COL15A1: variants seen among roughly 807,000 people sequenced by gnomAD.
COL15A1 encodes collagen type XV alpha 1 chain, also known as collagen alpha-1(XV) chain.
Under a neutral mutation model 165.9 loss-of-function variants are expected in COL15A1, and 111 were observed. The ratio of observed to expected loss-of-function variants is 0.67; its 90% CI spans 0.57 to 0.78. The LOEUF (loss-of-function observed/expected upper bound fraction) is 0.78. Among genes scored for constraint, COL15A1 ranks in the 30% least tolerant of loss-of-function variants. COL15A1 has a pLI of 0.00. For synonymous variants in COL15A1, 659 were observed against 674.8 expected (o/e 0.98, Z 0.36); for missense variants, 1,745 against 1,789.7 (o/e 0.98, Z 0.45).
At chr9:99,016,246 T>G in intron 11 of COL15A1, 127 bp downstream of exon 11, 8 of 1,232,658 alleles carry the variant, frequency 6.5e-6, no homozygotes, top group Non-Finnish European at 8.7e-6. Context: ...GGTTTGCAAA[T>G]TTGGGCATTT....
At chr9:99,019,905 AT>A (rs1264814995) in intron 11 of COL15A1, among the ~76,000 whole-genome samples, 1 of 151,998 alleles carries the variant, frequency 6.6e-6, no homozygotes, top group Non-Finnish European at 1.5e-5. Flanking sequence ...TTGTCTCTGG[AT>A]TTTTTAGTGC....
intron 2 of COL15A1, among the ~76,000 whole-genome samples, chr9:98,980,358 G>A (rs1838216349): frequency 6.6e-6 from 1 of 152,256 alleles, no homozygotes; most frequent in South Asian, 2.1e-4. Context: ...AGCCCCCAGA[G>A]GGGAGGGTGT....
rs1274632230 is a variant in COL15A1, at chr9:99,036,168, AG to A, written c.2291del. 1.2e-6 allele frequency: 2 copies of A among 1,608,584 alleles called. No homozygotes were observed. Among genetic ancestry groups the A allele is most frequent in the Non-Finnish European group, 1.7e-6 (2 of 1,175,262 alleles). On this transcript the variant is annotated splice_acceptor_variant, in intron 19 of 41. Coordinates refer to ENST00000375001, the MANE Select transcript of COL15A1 (RefSeq NM_001855.5). LOFTEE classifies it high-confidence loss of function. The stretch of plus-strand genomic sequence containing the variant: ...AATATTTATTTTTGTTTATTTTTCC[AG>A]GGTCTCAAAGGAGAGAAAGGAGACC...
chr9:99,024,596 T>G (rs907755591), intron 14 of COL15A1, among the ~76,000 whole-genome samples: 3 of 152,158 alleles, frequency 2.0e-5, no homozygotes, highest in Non-Finnish European at 4.4e-5. Context: ...TCCAACTAAT[T>G]GGATCTTTCT....
intron 39 of COL15A1, among the ~76,000 whole-genome samples, chr9:99,064,373 G>A (rs1368637281): frequency 6.6e-6 from 1 of 152,144 alleles, no homozygotes; most frequent in East Asian, 1.9e-4. Context: ...ATTTTCTATT[G>A]TGCTGCTATT....
intron 2 of COL15A1, among the ~76,000 whole-genome samples, chr9:98,959,386 A>G (rs1480608111): frequency 1.3e-5 from 2 of 151,954 alleles, no homozygotes; most frequent in Non-Finnish European, 2.9e-5. Context: ...AAACAAAGCT[A>G]CAGTACTCTT....
chr9:99,024,292 T>G (rs1185429448), intron 14 of COL15A1, among the ~76,000 whole-genome samples: 2 of 146,440 alleles, frequency 1.4e-5, no homozygotes, highest in African/African-American at 5.1e-5. Flanking sequence ...TTTGTTTTTT[T>G]TTTTTTGAGA....
intron 14 of COL15A1, among the ~76,000 whole-genome samples, chr9:99,023,968 A>G (rs1387193276): frequency 6.6e-6 from 1 of 152,136 alleles, no homozygotes; most frequent in Non-Finnish European, 1.5e-5. Flanking sequence ...GCCTCCTGCC[A>G]AGGCTGGAGC....
chr9:98,969,444 G>A (rs1302590443), intron 2 of COL15A1, among the ~76,000 whole-genome samples: 2 of 152,194 alleles, frequency 1.3e-5, no homozygotes, highest in Non-Finnish European at 2.9e-5. Context: ...CAGAGTTGAG[G>A]TTGAGTCTTT....
chr9:98,944,818 A>T (rs1837551386), intron 2 of COL15A1, among the ~76,000 whole-genome samples: 1 of 152,256 alleles, frequency 6.6e-6, no homozygotes, highest in African/African-American at 2.4e-5. Flanking sequence ...TGGAAGCCAG[A>T]GATCTGATCC....
intron 21 of COL15A1, among the ~76,000 whole-genome samples, chr9:99,037,932 G>C (rs1564075457): frequency 6.6e-6 from 1 of 152,156 alleles, no homozygotes; most frequent in Non-Finnish European, 1.5e-5. Flanking sequence ...GGTGTGTGTA[G>C]AGAATGATGG....
At chr9:98,993,340 C>T (rs1485128800) in intron 5 of COL15A1, among the ~76,000 whole-genome samples, 1 of 152,180 alleles carries the variant, frequency 6.6e-6, no homozygotes, top group Non-Finnish European at 1.5e-5. Context: ...ACAGATGCCT[C>T]GTTCCTCTTG....
At chr9:99,068,486 A>T in intron 40 of COL15A1, 69 bp from the exon 41 acceptor site, 1 of 621,354 alleles carries the variant, frequency 1.6e-6, no homozygotes, top group Non-Finnish European at 2.6e-6. Context: ...AAAAAAAAAA[A>T]GAGTAAAAAT....
At chr9:98,956,817 G>A (rs1211893959) in intron 2 of COL15A1, among the ~76,000 whole-genome samples, 1 of 152,224 alleles carries the variant, frequency 6.6e-6, no homozygotes. Context: ...TTCACCCCCA[G>A]AACTCATAAA....
chr9:98,958,338 G>T (rs1195057812), intron 2 of COL15A1, among the ~76,000 whole-genome samples: 1 of 152,186 alleles, frequency 6.6e-6, no homozygotes, highest in Non-Finnish European at 1.5e-5. Context: ...GCTCAGCTCT[G>T]CTCAGCCCTG....
chr9:99,035,481 C>T, intron 19 of COL15A1, 63 bp downstream of exon 19: 2 of 1,603,486 alleles, frequency 1.2e-6, no homozygotes, highest in Non-Finnish European at 1.7e-6. Context: ...AGTGAGGAAG[C>T]TGTGGGCTGC....
In COL15A1 at chr9:99,047,818, A is replaced by G. The variant is rs368514791; in HGVS notation, c.2712A>G (p.Glu904=). The change falls in exon 27 of 42, where the codon GAA becomes GAG. Residue 904 remains glutamate, a synonymous_variant. Transcript: ENST00000375001. ...AAGGACCACCAGGACATAAAGGAGA[A>G]TTTGGCCTTCCCGGGCGACCTGTAG... The part of the protein sequence containing the change: ...GPKGPPGHKG[E]FGLPGRPGRP... The G allele has an allele frequency of 7.5e-5, 121 of 1,613,902 alleles. No homozygotes were observed. The highest frequency in any genetic ancestry group is 8.7e-5 in the Non-Finnish European group (103 of 1,179,978).
At chr9:99,022,577 C>T (rs951788231) in intron 13 of COL15A1, among the ~76,000 whole-genome samples, 1 of 152,156 alleles carries the variant, frequency 6.6e-6, no homozygotes, top group South Asian at 2.1e-4. Flanking sequence ...CTCTCTTGGG[C>T]GATGGCACCA....
intron 35 of COL15A1, among the ~76,000 whole-genome samples, chr9:99,058,137 G>A (rs1189129497): frequency 6.6e-6 from 1 of 152,180 alleles, no homozygotes; most frequent in African/African-American, 2.4e-5. Flanking sequence ...CACATCCTCT[G>A]CACAGCGGGA....
Sources: gnomAD v4.1 joint callset for allele counts (sites outside exome capture counted in the v4.1 genomes callset) on GRCh38, gnomAD v4.1.1 for gene constraint, MANE v1.5 for transcripts, NCBI Gene and HGNC (gene_info 2026-07-23, HGNC 2026-07-21) for gene names.